HECW2: variants seen among roughly 807,000 people sequenced by gnomAD.
HECW2 encodes the protein HECT, C2 and WW domain containing E3 ubiquitin protein ligase 2.
Under a neutral mutation model 175.2 loss-of-function variants are expected in HECW2, and 61 were observed. The observed-to-expected ratio is 0.35, with a 90% confidence interval of 0.28 to 0.43. The LOEUF (loss-of-function observed/expected upper bound fraction) is 0.43. Ranked by LOEUF, HECW2 falls within the 20% of genes least tolerant of loss-of-function variation. HECW2 has a pLI of 1.00. For synonymous variants in HECW2, 671 were observed against 731.0 expected (o/e 0.92, Z 1.32); for missense variants, 1,524 against 2,000.5 (o/e 0.76, Z 4.54).
At chr2:196,530,301 T>A (rs1688799600) in intron 1 of HECW2, among the ~76,000 whole-genome samples, 1 of 152,198 alleles carries the variant, frequency 6.6e-6, no homozygotes, top group Non-Finnish European at 1.5e-5. Flanking sequence ...TAGGGATGCA[T>A]ACAATGTTAT....
intron 1 of HECW2, among the ~76,000 whole-genome samples, chr2:196,474,869 T>C (rs1008530760): frequency 3.3e-5 from 5 of 152,242 alleles, no homozygotes; most frequent in African/African-American, 1.2e-4. Flanking sequence ...CTCTAACATC[T>C]AGACTCTTAA....
At chr2:196,326,819 T>C (rs984185787) in intron 5 of HECW2, among the ~76,000 whole-genome samples, 3 of 152,180 alleles carry the variant, frequency 2.0e-5, no homozygotes, top group East Asian at 1.9e-4. Flanking sequence ...AAGAACTAGA[T>C]AGGCACTTCA....
chr2:196,494,949 T>C (rs931750384), intron 1 of HECW2, among the ~76,000 whole-genome samples: 3 of 152,212 alleles, frequency 2.0e-5, no homozygotes, highest in Non-Finnish European at 2.9e-5. Context: ...TCTGTTCCTC[T>C]GCAAAATGCA....
intron 17 of HECW2, among the ~76,000 whole-genome samples, chr2:196,264,911 ATC>A (rs1054062706): frequency 6.6e-6 from 1 of 152,200 alleles, no homozygotes; most frequent in Non-Finnish European, 1.5e-5. Flanking sequence ...AAAGTCTCTA[ATC>A]TCTTAATAGG....
intron 2 of HECW2, among the ~76,000 whole-genome samples, chr2:196,348,355 TA>T (rs1693038520): frequency 6.6e-6 from 1 of 152,064 alleles, no homozygotes; most frequent in African/African-American, 2.4e-5. Flanking sequence ...GTAAGAACAA[TA>T]GTGGGCCCAG....
intron 2 of HECW2, among the ~76,000 whole-genome samples, chr2:196,367,918 TGA>T (rs1470633147): frequency 6.6e-6 from 1 of 151,434 alleles, no homozygotes; most frequent in African/African-American, 2.4e-5. Flanking sequence ...CATATATATA[TGA>T]GATACATAGA....
At chr2:196,365,845 C>T (rs1024039633) in intron 2 of HECW2, among the ~76,000 whole-genome samples, 25 of 152,104 alleles carry the variant, frequency 1.6e-4, no homozygotes, top group African/African-American at 5.8e-4. Context: ...CTCAGAGTCA[C>T]CAGAGTAACA....
chr2:196,451,008 A>G (rs1207160017), intron 1 of HECW2, among the ~76,000 whole-genome samples: 2 of 152,204 alleles, frequency 1.3e-5, no homozygotes, highest in Admixed American at 6.5e-5. Context: ...TTTCCCATAA[A>G]ATTTAGACAG....
intron 2 of HECW2, among the ~76,000 whole-genome samples, chr2:196,360,522 C>T (rs1269804457): frequency 6.6e-6 from 1 of 151,954 alleles, no homozygotes; most frequent in Non-Finnish European, 1.5e-5. Flanking sequence ...AAAAAGGGAA[C>T]AACAGACACT....
intron 1 of HECW2, among the ~76,000 whole-genome samples, chr2:196,507,756 A>C (rs532169785): frequency 6.6e-6 from 1 of 152,342 alleles, no homozygotes; most frequent in South Asian, 2.1e-4. Context: ...CCTAAACATT[A>C]CACCTAACAA....
Position 196,325,073 on chromosome 2 carries a change from T to C in HECW2, c.648A>G (p.Gly216=), listed in dbSNP as rs960304947. ...DPYLKMSIQP[G]KKSSFPTCAH... ...CACAGGTGGGGAAACTGCTCTTCTT[T>C]CCTGGCTGAATTGACATCTTAAGAT... is the stretch of plus-strand genomic sequence containing the variant. Residue 216 remains glycine (G), a synonymous_variant, in exon 6 of 29, where the codon GGA becomes GGG. Coordinates refer to ENST00000644978, the MANE Select transcript of HECW2 (RefSeq NM_001348768.2). 4 of 1,612,828 alleles carry C rather than the reference T, an allele frequency of 2.5e-6. No individual in the cohort carries two copies. The highest frequency in any genetic ancestry group is 1.7e-4 in the Middle Eastern group (1 of 5,960).
chr2:196,283,364 G>T (rs897860683), intron 14 of HECW2, among the ~76,000 whole-genome samples: 4 of 146,712 alleles, frequency 2.7e-5, no homozygotes, highest in Non-Finnish European at 6.0e-5. Context: ...ACTTCTTTAT[G>T]TGAGAGAATA....
intron 1 of HECW2, among the ~76,000 whole-genome samples, chr2:196,579,879 T>C (rs952550186): frequency 3.9e-5 from 6 of 152,094 alleles, no homozygotes; most frequent in African/African-American, 1.4e-4. Context: ...GAAACCAAAC[T>C]TGCCAACACC....
intron 2 of HECW2, among the ~76,000 whole-genome samples, chr2:196,374,373 C>T (rs151123884): frequency 6.6e-6 from 1 of 152,292 alleles, no homozygotes; most frequent in East Asian, 1.9e-4. Context: ...CCAAAATGTT[C>T]ATAGTAGTTA....
At chr2:196,440,788 T>C (rs1696016011) in intron 1 of HECW2, among the ~76,000 whole-genome samples, 1 of 152,128 alleles carries the variant, frequency 6.6e-6, no homozygotes, top group Non-Finnish European at 1.5e-5. Context: ...ATGGCTTAAG[T>C]AGAAAGCTGG....
At chr2:196,405,490 A>G (rs920545397) in intron 2 of HECW2, among the ~76,000 whole-genome samples, 2 of 152,060 alleles carry the variant, frequency 1.3e-5, no homozygotes, top group African/African-American at 2.4e-5. Flanking sequence ...TGCCACATCT[A>G]CCACTCATCT....
chr2:196,249,642 G>A (rs929580621), intron 19 of HECW2, among the ~76,000 whole-genome samples: 14 of 152,160 alleles, frequency 9.2e-5, no homozygotes, highest in African/African-American at 2.2e-4. Context: ...AAACCTTCAG[G>A]AATCCTGGTA....
chr2:196,539,673 G>A (rs76197748), intron 1 of HECW2, among the ~76,000 whole-genome samples: 1,916 of 152,188 alleles, frequency 0.013, 40 homozygotes, highest in African/African-American at 0.044. Context: ...ATACTTTTAC[G>A]TGTACGAGTA....
chr2:196,238,699 T>C (rs1688343823), intron 21 of HECW2: 1 of 152,206 alleles, frequency 6.6e-6, no homozygotes, highest in Admixed American at 6.5e-5. Context: ...TCTCCCTTGT[T>C]TTCCCTCCGA....
Sources: allele counts gnomAD v4.1 joint callset (sites outside exome capture counted in the v4.1 genomes callset), GRCh38; gene constraint gnomAD v4.1.1; transcripts MANE v1.5; gene names NCBI Gene and HGNC (gene_info 2026-07-23, HGNC 2026-07-21).